CNP: variants seen among roughly 807,000 people sequenced by gnomAD.
The protein encoded by CNP is 2',3'-cyclic nucleotide 3' phosphodiesterase, also known as 2',3'-cyclic-nucleotide 3'-phosphodiesterase.
In CNP, 8 loss-of-function variants were observed where a neutral mutation model predicts 37.9. The observed-to-expected ratio is 0.21, with a 90% CI of 0.12 to 0.38. CNP has a LOEUF of 0.38. Among genes scored for constraint, CNP ranks in the 10% least tolerant of loss-of-function variants. The probability of loss-of-function intolerance (pLI) is 1.00; values close to 1 mark genes in which losing one functional copy is unlikely to be tolerated. For missense variants in CNP, 457 were observed against 551.0 expected (o/e 0.83, Z 1.71); for synonymous variants, 237 against 238.3 (o/e 0.99, Z 0.05).
intron 1 of CNP, among the ~76,000 whole-genome samples, chr17:41,967,172 G>C (rs947155234): frequency 1.3e-5 from 2 of 152,180 alleles, no homozygotes; most frequent in South Asian, 4.1e-4. Context: ...CCGGGAGCCC[G>C]GGAGCTGCTC....
chr17:41,970,347 GC>G (rs1413669831), intron 2 of CNP: 2 of 150,074 alleles, frequency 1.3e-5, no homozygotes, highest in African/African-American at 4.9e-5. Context: ...GAAAGGAGGG[GC>G]CCTTGGCCCA....
Position 41,966,894 on chromosome 17 carries a change from G to C in CNP, c.3+7G>C. ...GGCGCCCCTCCTCATCATGGTGAGA[G>C]GCCGGGCGGGGCCGGGCACGGGGTA... On this transcript the variant is annotated splice_region_variant and intron_variant, in intron 1 of 3. Transcript: ENST00000393892. 1 of 1,341,942 alleles carries C rather than the reference G, an allele frequency of 7.5e-7. No homozygotes were observed. The highest frequency in any genetic ancestry group is 9.5e-7 in the Non-Finnish European group (1 of 1,048,082). 83.1% of individuals were successfully genotyped at this position (1,341,942 alleles called of 1,614,324 possible).
Position 41,976,815 on chromosome 17 carries a change from A to T in CNP, c.*2891A>T. ...TTGGTAGTTGGCTATGGATTTTCTA[A>T]GGAAGATCACTTTGCTCTGATTATG... is the stretch of plus-strand genomic sequence containing the variant. On this transcript the variant is annotated 3_prime_UTR_variant, in exon 4 of 4. Coordinates refer to ENST00000393892, the MANE Select transcript of CNP (RefSeq NM_033133.5). 1.3e-6 allele frequency: 2 copies of T among 1,597,530 alleles called. No individual in the cohort carries two copies. The highest frequency in any genetic ancestry group is 1.7e-6 in the Non-Finnish European group (2 of 1,175,612).
chr17:41,973,087 T>C (rs1318249904), intron 3 of CNP, among the ~76,000 whole-genome samples: 1 of 152,178 alleles, frequency 6.6e-6, no homozygotes, highest in African/African-American at 2.4e-5. Context: ...GTGGGCTGTT[T>C]ACCTAGTCAC....
intron 3 of CNP, among the ~76,000 whole-genome samples, chr17:41,972,969 G>A (rs1478498401): frequency 3.3e-5 from 5 of 152,308 alleles, no homozygotes; most frequent in Non-Finnish European, 7.3e-5. Flanking sequence ...CATCAAGGGC[G>A]AGTCTGACCT....
chr17:41,977,459 C>A lies in CNP; in HGVS notation c.*3535C>A. ...TCACTCCCCTCCTTTCCCAACACTT[C>A]AGACTGCAAGTGAGCAAACCTGCCC... On this transcript the variant is annotated 3_prime_UTR_variant, in exon 4 of 4. Coordinates refer to ENST00000393892, the MANE Select transcript of CNP (RefSeq NM_033133.5). The A allele has an allele frequency of 1.3e-6, 1 of 770,970 alleles. No individual in the cohort carries two copies. Among genetic ancestry groups the A allele is most frequent in the Non-Finnish European group, 2.1e-6 (1 of 473,602 alleles). The allele number at this position is 770,970 out of a possible 1,614,324, so 47.8% of individuals were successfully genotyped here.
intron 3 of CNP, among the ~76,000 whole-genome samples, chr17:41,973,269 C>T (rs537153157): frequency 6.6e-5 from 10 of 152,310 alleles, no homozygotes; most frequent in East Asian, 3.9e-4. Context: ...TGAGCGCCTT[C>T]GTGTTTCTCA....
In CNP at chr17:41,973,836, T is replaced by C; in HGVS notation, c.1178T>C (p.Ile393Thr). Reference protein sequence around the residue: ...TLAKNMEVRAIFTGYYGKGKP... With the variant: ...TLAKNMEVRATFTGYYGKGKP... ...GCCAAGAACATGGAGGTCAGGGCCA[T>C]CTTCACGGGGTACTACGGGAAAGGC... The change falls in exon 4 of 4, where the codon ATC becomes ACC. Residue 393 changes from isoleucine (I) to threonine (T), a missense_variant. Coordinates refer to ENST00000393892, the MANE Select transcript of CNP (RefSeq NM_033133.5). The C allele has an allele frequency of 6.2e-7, 1 of 1,609,346 alleles. No homozygotes were observed. The highest frequency in any genetic ancestry group is 2.2e-5 in the East Asian group (1 of 44,784).
At position 41,975,836 on chromosome 17, in the gene CNP, CT is replaced by C. The variant is rs2051067447; in HGVS notation, c.*1914del. 1 of 152,278 alleles carries C rather than the reference CT, an allele frequency of 6.6e-6. No homozygotes were observed. Among genetic ancestry groups the C allele is most frequent in the South Asian group, 2.1e-4 (1 of 4,834 alleles). The allele number at this position is 152,278 out of a possible 1,614,324, so 9.4% of individuals were successfully genotyped here. A position where few individuals can be genotyped will look rare whatever the true frequency, so the allele number is the denominator to read the frequency against. On this transcript the variant is annotated 3_prime_UTR_variant, in exon 4 of 4. Coordinates refer to ENST00000393892, the MANE Select transcript of CNP (RefSeq NM_033133.5). ...TGGAGCTCCTGGGAAGGCTACTCAC[CT>C]TGAACACCACGCTTGACAGGACAGC...
At chr17:41,967,758 G>C in intron 1 of CNP, 1 of 1,140,378 alleles carries the variant, frequency 8.8e-7, no homozygotes, top group Non-Finnish European at 1.1e-6. Context: ...TCCTTAGTAG[G>C]TGCCAAGCAT....
intron 2 of CNP, among the ~76,000 whole-genome samples, chr17:41,969,659 A>G (rs1555643512): frequency 6.6e-6 from 1 of 151,868 alleles, no homozygotes; most frequent in African/African-American, 2.4e-5. Flanking sequence ...AGATTCAAGC[A>G]ATTCTCCTGC....
At chr17:41,969,466 C>T (rs1297478107) in intron 2 of CNP, among the ~76,000 whole-genome samples, 3 of 152,246 alleles carry the variant, frequency 2.0e-5, no homozygotes, top group Non-Finnish European at 4.4e-5. Context: ...AAGAAGGGTC[C>T]TGGTGGCTCT....
rs2051065919 is a variant in CNP, at chr17:41,975,702, G to C, written c.*1778G>C. On this transcript the variant is annotated 3_prime_UTR_variant, in exon 4 of 4. Transcript: ENST00000393892. ...CTAAGGCACCAGCCGGGGAAGACTT[G>C]AAAGAAAGGGGCAGGAGCTCAGATG... is the stretch of plus-strand genomic sequence containing the variant. 6.6e-6 allele frequency: 1 copy of C among 152,228 alleles called. No homozygotes were observed. The highest frequency in any genetic ancestry group is 1.5e-5 in the Non-Finnish European group (1 of 68,068). 9.4% of individuals were successfully genotyped at this position (152,228 alleles called of 1,614,324 possible).
In CNP at chr17:41,968,014, C is replaced by T. The variant is rs997903697; in HGVS notation, c.4-54C>T. On this transcript the variant is annotated intron_variant, in intron 1 of 3. Coordinates refer to ENST00000393892, the MANE Select transcript of CNP (RefSeq NM_033133.5). This position sits in a 1 kb window ranked among gnomAD's most constrained non-coding sequence, Gnocchi z 4.8. ...CCAGTCTAGGGACTAGGGGTAAGGC[C>T]GGCGGGGAGCCCGCGAATGACCTGG... 59 of 1,567,704 alleles carry T rather than the reference C, an allele frequency of 3.8e-5. No individual in the cohort carries two copies. Among genetic ancestry groups the T allele is most frequent in the Non-Finnish European group, 4.5e-5 (52 of 1,154,358 alleles).
At chr17:41,967,231 C>T (rs1301540248) in intron 1 of CNP, 1 of 239,992 alleles carries the variant, frequency 4.2e-6, no homozygotes, top group Non-Finnish European at 8.0e-6. Context: ...GCGCCCCCTC[C>T]CCGGGCCCAG....
chr17:41,973,442 C>G (rs2051021358), intron 3 of CNP, 33 bp from the exon 4 acceptor site: 2 of 1,586,380 alleles, frequency 1.3e-6, no homozygotes, highest in Non-Finnish European at 1.7e-6. Flanking sequence ...CCTGCCATCT[C>G]TAGCTTGGGC....
chr17:41,976,815 A>C lies in CNP; in HGVS notation c.*2891A>C. On this transcript the variant is annotated 3_prime_UTR_variant, in exon 4 of 4. Coordinates refer to ENST00000393892, the MANE Select transcript of CNP (RefSeq NM_033133.5). ...TTGGTAGTTGGCTATGGATTTTCTAAGGAAGATCACTTTGCTCTGATTATG... is the reference window on the plus strand; with the variant it reads ...TTGGTAGTTGGCTATGGATTTTCTACGGAAGATCACTTTGCTCTGATTATG... The C allele has an allele frequency of 6.3e-7, 1 of 1,597,530 alleles. No individual in the cohort carries two copies. The highest frequency in any genetic ancestry group is 8.5e-7 in the Non-Finnish European group (1 of 1,175,612).
At chr17:41,971,397 CTTT>C (rs567987798) in intron 2 of CNP, 101 of 138,996 alleles carry the variant, frequency 7.3e-4, no homozygotes, top group Non-Finnish European at 1.2e-3. Flanking sequence ...AGAATTTTAA[CTTT>C]TTTTTTTTTT....
Position 41,977,211 on chromosome 17 carries a change from G to T in CNP, c.*3287G>T. On this transcript the variant is annotated 3_prime_UTR_variant, in exon 4 of 4. Transcript: ENST00000393892. ...CAAAGAGCTGCCTAAGAGGCAATGA[G>T]TGTGTTGGCTTGTGATCTGGGAACT... The T allele has an allele frequency of 6.5e-7, 1 of 1,540,248 alleles. No individual in the cohort carries two copies. The highest frequency in any genetic ancestry group is 8.8e-7 in the Non-Finnish European group (1 of 1,134,930).
Sources: allele counts gnomAD v4.1 joint callset (sites outside exome capture counted in the v4.1 genomes callset), GRCh38; gene constraint gnomAD v4.1.1; non-coding constraint Gnocchi (gnomAD v3.1); transcripts MANE v1.5; gene names NCBI Gene and HGNC (gene_info 2026-07-23, HGNC 2026-07-21).